SLC2A3: variants seen among roughly 807,000 people sequenced by gnomAD.
The protein encoded by SLC2A3 is solute carrier family 2 member 3.
In SLC2A3, 21 loss-of-function variants were observed where a neutral mutation model predicts 46.4. That is an observed-to-expected ratio of 0.45 (90% confidence interval 0.32 to 0.65). The LOEUF is 0.65. Among genes scored for constraint, SLC2A3 ranks in the 30% least tolerant of loss-of-function variants. The pLI is 0.04. For missense variants in SLC2A3, 499 were observed against 623.3 expected, an observed-to-expected ratio of 0.80 and a Z score of 2.12; for synonymous variants, 213 against 239.4, an observed-to-expected ratio of 0.89 and a Z score of 1.02.
rs1243941642 is a variant in SLC2A3 at position 7,932,800 on chromosome 12, G to A, written c.269+187C>T. The A allele has an allele frequency of 6.7e-6, 5 of 749,346 alleles. 1 individual carries two copies. The South Asian group carries it at 8.4e-5, about 13-fold the overall frequency. 46.4% of individuals were successfully genotyped at this position (749,346 alleles called of 1,614,324 possible). A position where few individuals can be genotyped will look rare whatever the true frequency, so the allele number is the denominator to read the frequency against. ...TCATCTCTTGCACAGCTGGGTGGGAGCTCTCCAGGGTAGTAGAGCTCCAAG... is the reference window on the plus strand; with the variant it reads ...TCATCTCTTGCACAGCTGGGTGGGAACTCTCCAGGGTAGTAGAGCTCCAAG... On this transcript the variant is annotated intron_variant, in intron 3 of 9. Coordinates refer to ENST00000075120, the MANE Select transcript of SLC2A3 (RefSeq NM_006931.3).
intron 2 of SLC2A3, 72 bp downstream of exon 2, chr12:7,933,738 G>T: frequency 6.6e-7 from 1 of 1,522,400 alleles, no homozygotes; most frequent in South Asian, 1.2e-5. Flanking sequence ...CTTAAATTCT[G>T]AATTCCTGAA....
intron 1 of SLC2A3, among the ~76,000 whole-genome samples, chr12:7,935,220 G>A (rs1389031231): frequency 1.3e-5 from 2 of 152,140 alleles, no homozygotes; most frequent in African/African-American, 2.4e-5. Flanking sequence ...TTGGGAGGCC[G>A]AGGCCGGCGG....
intron 4 of SLC2A3, among the ~76,000 whole-genome samples, chr12:7,931,032 G>A (rs190877958): frequency 4.6e-5 from 7 of 152,076 alleles, no homozygotes; most frequent in African/African-American, 7.2e-5. Flanking sequence ...TGCTGACCTC[G>A]TGATCTGCCC....
At chr12:7,922,445 AGAG>A (rs1453920039) in intron 9 of SLC2A3, among the ~76,000 whole-genome samples, 2 of 151,590 alleles carry the variant, frequency 1.3e-5, no homozygotes, top group South Asian at 4.2e-4. Flanking sequence ...AAACTGAAGA[AGAG>A]GAGGGACTGC....
Position 7,930,373 on chromosome 12 carries a change from T to A in SLC2A3, c.673+107A>T, listed in dbSNP as rs1419609936. ...GTAATCAGAACCCTCCTCACTTGGA[T>A]TCTGAGAGGCAGGGAAAGAGTGTAA... On this transcript the variant is annotated intron_variant, in intron 5 of 9. Transcript: ENST00000075120. 4 of 1,205,096 alleles carry A rather than the reference T, an allele frequency of 3.3e-6. No homozygotes were observed. The East Asian group carries it at 7.1e-5, about 21-fold the overall frequency. 74.7% of individuals were successfully genotyped at this position (1,205,096 alleles called of 1,614,324 possible).
chr12:7,923,621 A>C (rs1038653216), intron 8 of SLC2A3, among the ~76,000 whole-genome samples: 5 of 151,932 alleles, frequency 3.3e-5, no homozygotes, highest in Non-Finnish European at 7.4e-5. Flanking sequence ...CTCAAAAAAA[A>C]AATTTTTTTT....
In SLC2A3 at chr12:7,922,928, C is replaced by T. The variant is rs961037788; in HGVS notation, c.1165G>A (p.Val389Met). Residue 389 changes from valine (V) to methionine (M), a missense_variant, in exon 9 of 10, where the codon GTG becomes ATG. Around this residue, in one of 5 missense-constraint regions of SLC2A3, gnomAD observed 179 missense variants for 205.1 expected, o/e 0.87. Coordinates refer to ENST00000075120, the MANE Select transcript of SLC2A3 (RefSeq NM_006931.3). ...GGGCCCTGGCTGAAGAGTTCGGCCA[C>T]AATAAACCAGGGAATGGGGCCTGGT... ...IGPGPIPWFI[V>M]AELFSQGPRP... 1.2e-6 allele frequency: 2 copies of T among 1,613,954 alleles called. No individual in the cohort carries two copies. Among genetic ancestry groups the T allele is most frequent in the African/African-American group, 2.7e-5 (2 of 74,896 alleles).
intron 6 of SLC2A3, among the ~76,000 whole-genome samples, chr12:7,926,906 T>A (rs918957078): frequency 6.6e-6 from 1 of 152,126 alleles, no homozygotes. Flanking sequence ...TGTGCTAAAA[T>A]CTAAAGTTGC....
chr12:7,935,745 C>T (rs1946206287), intron 1 of SLC2A3, among the ~76,000 whole-genome samples: 1 of 152,132 alleles, frequency 6.6e-6, no homozygotes, highest in Non-Finnish European at 1.5e-5. Flanking sequence ...AACACTCAAC[C>T]ATCTCGTCCT....
At chr12:7,921,939 T>C (rs1946040535) in intron 9 of SLC2A3, among the ~76,000 whole-genome samples, 1 of 152,124 alleles carries the variant, frequency 6.6e-6, no homozygotes. Context: ...ACGCCCATAA[T>C]CCCAGCACTT....
intron 7 of SLC2A3, 105 bp downstream of exon 7, chr12:7,925,736 AAGC>A (rs1946088856): frequency 3.5e-6 from 3 of 864,300 alleles, no homozygotes; most frequent in Non-Finnish European, 5.6e-6. Flanking sequence ...AAGGAAAATT[AAGC>A]AACAAAAAGG....
intron 8 of SLC2A3, among the ~76,000 whole-genome samples, chr12:7,924,091 T>C (rs1421159453): frequency 6.6e-6 from 1 of 152,200 alleles, no homozygotes; most frequent in Non-Finnish European, 1.5e-5. Flanking sequence ...TTCAATCCCA[T>C]CTATATGATC....
chr12:7,924,379 C>T, intron 8 of SLC2A3, 31 bp downstream of exon 8: 2 of 1,608,158 alleles, frequency 1.2e-6, no homozygotes, highest in Non-Finnish European at 1.7e-6. Flanking sequence ...TTCTTTCCCC[C>T]TCCCTTTTTT....
intron 4 of SLC2A3, 150 bp from the exon 5 acceptor site, chr12:7,930,792 G>GTTTTT (rs66814289): frequency 2.3e-4 from 57 of 247,076 alleles, no homozygotes; most frequent in South Asian, 5.8e-4. Flanking sequence ...ACTCAGCATG[G>GTTTTT]TTTTTTTTTT....
Position 7,920,271 on chromosome 12 carries a change from C to G in SLC2A3, c.*1142G>C, listed in dbSNP as rs1946021779. The G allele has an allele frequency of 6.6e-6, 1 of 152,056 alleles. No individual in the cohort carries two copies. Among genetic ancestry groups the G allele is most frequent in the South Asian group, 2.1e-4 (1 of 4,828 alleles). The allele number at this position is 152,056 out of a possible 1,614,324, so 9.4% of individuals were successfully genotyped here. Reference sequence around the variant, plus strand: ...AGAACAAAGTGGAAAAATAATGAATCTCTACCAAGAACCAATTATTTTAGG... The same window carrying G: ...AGAACAAAGTGGAAAAATAATGAATGTCTACCAAGAACCAATTATTTTAGG... On this transcript the variant is annotated 3_prime_UTR_variant, in exon 10 of 10. Transcript: ENST00000075120.
chr12:7,923,078 T>C, intron 8 of SLC2A3, 54 bp from the exon 9 acceptor site: 1 of 1,502,800 alleles, frequency 6.7e-7, no homozygotes, highest in Admixed American at 2.2e-5. Context: ...TAACCTAGTA[T>C]CTAGGTTCCC....
In SLC2A3 at chr12:7,921,515, C is replaced by T. The variant is rs747933396; in HGVS notation, c.1389G>A (p.Arg463=). The change falls in exon 10 of 10, where the codon CGG becomes CGA. Residue 463 remains arginine, a synonymous_variant. Transcript: ENST00000075120. The part of the protein sequence containing the change: ...TRGRTFEDIT[R]AFEGQAHGAD... ...CACCGTGTGCCTGCCCTTCAAAGGC[C>T]CGTGTGATATCCTCAAAAGTCCTGC... The T allele has an allele frequency of 1.2e-6, 2 of 1,613,838 alleles. No individual in the cohort carries two copies. The highest frequency in any genetic ancestry group is 1.7e-4 in the Middle Eastern group (1 of 6,054).
intron 6 of SLC2A3, among the ~76,000 whole-genome samples, chr12:7,928,789 C>T (rs1379409594): frequency 1.3e-5 from 2 of 151,856 alleles, no homozygotes; most frequent in African/African-American, 2.4e-5. Context: ...TCATCAAAAT[C>T]ACCTAGGAGG....
intron 9 of SLC2A3, among the ~76,000 whole-genome samples, chr12:7,922,076 C>A (rs1018178422): frequency 3.3e-5 from 5 of 151,704 alleles, no homozygotes; most frequent in Admixed American, 2.6e-4. Context: ...GGCTGGAGAG[C>A]AGAAGGTTGA....
Sources: allele counts gnomAD v4.1 joint callset (sites outside exome capture counted in the v4.1 genomes callset), GRCh38; gene constraint gnomAD v4.1.1; regional missense constraint gnomAD v4.1.1; transcripts MANE v1.5; gene names NCBI Gene and HGNC (gene_info 2026-07-23, HGNC 2026-07-21).